LARGE1: variants seen among roughly 807,000 people sequenced by gnomAD.
The protein encoded by LARGE1 is xylosyl- and glucuronyltransferase LARGE1.
Under a neutral mutation model 87.6 loss-of-function variants are expected in LARGE1, and 43 were observed. The ratio of observed to expected loss-of-function variants is 0.49; its 90% CI spans 0.38 to 0.63. The LOEUF is 0.63. Among genes scored for constraint, LARGE1 ranks in the 30% least tolerant of loss-of-function variants. The pLI is 0.00. For synonymous variants in LARGE1, 434 were observed against 394.6 expected (o/e 1.10, Z -1.18); for missense variants, 802 against 1,000.2 (o/e 0.80, Z 2.67).
intron 11 of LARGE1, among the ~76,000 whole-genome samples, chr22:33,310,101 G>C (rs979223899): frequency 1.3e-5 from 2 of 152,166 alleles, no homozygotes; most frequent in African/African-American, 4.8e-5. Flanking sequence ...GGCACCACCC[G>C]AGATTCTGGT....
intron 2 of LARGE1, among the ~76,000 whole-genome samples, chr22:33,760,969 ACACCACCAC>A (rs548599952): frequency 3.3e-5 from 5 of 151,506 alleles, no homozygotes; most frequent in African/African-American, 7.3e-5. Context: ...CAAACAAAAA[ACACCACCAC>A]CACCACCACC....
intron 6 of LARGE1, among the ~76,000 whole-genome samples, chr22:33,481,923 A>G (rs1412635313): frequency 6.6e-6 from 1 of 152,206 alleles, no homozygotes; most frequent in Admixed American, 6.5e-5. Context: ...AAGAATCTGT[A>G]GTGAGGAAAC....
chr22:33,456,821 T>C (rs1407682142), intron 6 of LARGE1, among the ~76,000 whole-genome samples: 12 of 152,124 alleles, frequency 7.9e-5, no homozygotes, highest in African/African-American at 2.9e-4. Context: ...AAATGTAGAA[T>C]TATGTGCCAG....
chr22:33,512,329 A>G (rs1406869201), intron 6 of LARGE1, among the ~76,000 whole-genome samples: 2 of 152,214 alleles, frequency 1.3e-5, no homozygotes, highest in African/African-American at 4.8e-5. Flanking sequence ...CCAAAATAGG[A>G]GAATGTCTTT....
the LARGE1 span, among the ~76,000 whole-genome samples, chr22:33,104,282 A>G: frequency 6.6e-6 from 1 of 152,222 alleles, no homozygotes; most frequent in Non-Finnish European, 1.5e-5. Context: ...CTAGCAATAG[A>G]AAATCAACAC....
At chr22:33,568,553 G>C (rs1317766244) in intron 5 of LARGE1, among the ~76,000 whole-genome samples, 1 of 152,128 alleles carries the variant, frequency 6.6e-6, no homozygotes, top group African/African-American at 2.4e-5. Flanking sequence ...GATCCCCTGA[G>C]GTTGGGAGTT....
intron 2 of LARGE1, among the ~76,000 whole-genome samples, chr22:33,718,694 A>C (rs1418670268): frequency 6.6e-6 from 1 of 152,248 alleles, no homozygotes; most frequent in African/African-American, 2.4e-5. Context: ...TCAGTGAAAT[A>C]AGTGGAGGTG....
intron 11 of LARGE1, among the ~76,000 whole-genome samples, chr22:33,257,615 C>T (rs1927383166): frequency 6.6e-6 from 1 of 152,014 alleles, no homozygotes; most frequent in South Asian, 2.1e-4. Flanking sequence ...CTTTAAATAG[C>T]CCTTAACGGG....
At chr22:33,738,976 T>C (rs960043063) in intron 2 of LARGE1, among the ~76,000 whole-genome samples, 1 of 150,398 alleles carries the variant, frequency 6.6e-6, no homozygotes, top group Non-Finnish European at 1.5e-5. Context: ...TATACAGTCA[T>C]CCTAGATACA....
chr22:33,211,722 G>T (rs1031121053), intron 11 of LARGE1, among the ~76,000 whole-genome samples: 1 of 152,110 alleles, frequency 6.6e-6, no homozygotes, highest in Non-Finnish European at 1.5e-5. Flanking sequence ...GCAGTGAGCC[G>T]AGATCGCGCC....
At chr22:33,305,841 T>C (rs1934813724) in intron 11 of LARGE1, among the ~76,000 whole-genome samples, 1 of 123,390 alleles carries the variant, frequency 8.1e-6, no homozygotes, top group Non-Finnish European at 1.7e-5. Context: ...TCTTTTTCTT[T>C]TTCTTTTTTT....
At chr22:33,677,203 A>G (rs781506800) in intron 2 of LARGE1, among the ~76,000 whole-genome samples, 4 of 151,036 alleles carry the variant, frequency 2.6e-5, no homozygotes, top group Non-Finnish European at 4.4e-5. Flanking sequence ...ACAATTCCTT[A>G]GTGAAAAAGA....
intron 6 of LARGE1, among the ~76,000 whole-genome samples, chr22:33,535,960 A>C (rs796284647): frequency 1.1e-4 from 16 of 152,270 alleles, no homozygotes; most frequent in African/African-American, 3.9e-4. Context: ...GAGACCATGG[A>C]AATGAGCTCA....
chr22:33,570,040 TTG>T (rs1249510405), intron 5 of LARGE1, among the ~76,000 whole-genome samples: 4 of 152,192 alleles, frequency 2.6e-5, no homozygotes, highest in African/African-American at 9.7e-5. Flanking sequence ...GAGGCATAGT[TTG>T]TTGAGCCCTG....
At chr22:33,448,148 T>C (rs2067765892) in intron 6 of LARGE1, among the ~76,000 whole-genome samples, 6 of 152,112 alleles carry the variant, frequency 3.9e-5, no homozygotes, top group Admixed American at 3.9e-4. Flanking sequence ...CCTGGGGTGA[T>C]AAAGACATCT....
chr22:33,445,057 T>C (rs2067632732), intron 6 of LARGE1, among the ~76,000 whole-genome samples: 1 of 152,202 alleles, frequency 6.6e-6, no homozygotes, highest in Non-Finnish European at 1.5e-5. Flanking sequence ...CTTGAACTCC[T>C]GACCTCAGGT....
At chr22:33,602,842 G>C (rs2079147752) in intron 5 of LARGE1, among the ~76,000 whole-genome samples, 1 of 152,224 alleles carries the variant, frequency 6.6e-6, no homozygotes, top group East Asian at 1.9e-4. Flanking sequence ...AAAGTAAAGG[G>C]TGCAGGCTCA....
At chr22:33,733,065 T>G (rs1388681822) in intron 2 of LARGE1, 1 of 152,252 alleles carries the variant, frequency 6.6e-6, no homozygotes, top group African/African-American at 2.4e-5. Context: ...TTTACCATTC[T>G]GCTCATGAAT....
At chr22:33,588,823 A>G (rs2078754535) in intron 5 of LARGE1, among the ~76,000 whole-genome samples, 1 of 152,180 alleles carries the variant, frequency 6.6e-6, no homozygotes, top group African/African-American at 2.4e-5. Flanking sequence ...CCCCACACAC[A>G]GAAGGGAGGA....
Sources: gnomAD v4.1 joint callset for allele counts (sites outside exome capture counted in the v4.1 genomes callset) on GRCh38, gnomAD v4.1.1 for gene constraint, MANE v1.5 for transcripts, NCBI Gene and HGNC (gene_info 2026-07-23, HGNC 2026-07-21) for gene names.